Variants in KCNJ3 observed in about 807,000 individuals in gnomAD.
KCNJ3 encodes the protein G protein-activated inward rectifier potassium channel 1.
A neutral mutation model predicts 39.2 loss-of-function variants in KCNJ3; 4 were observed. The ratio of observed to expected loss-of-function variants is 0.10; its 90% confidence interval spans 0.05 to 0.23. The LOEUF is 0.23. KCNJ3 is among the 10% of genes least tolerant of loss of function. KCNJ3 has a pLI of 1.00. For synonymous variants in KCNJ3, 230 were observed against 237.4 expected, an observed-to-expected ratio of 0.97 and a Z score of 0.29; for missense variants, 276 against 634.9, an observed-to-expected ratio of 0.43 and a Z score of 6.08.
intron 2 of KCNJ3, among the ~76,000 whole-genome samples, chr2:154,847,559 T>C (rs886158323): frequency 1.3e-5 from 2 of 148,574 alleles, no homozygotes; most frequent in African/African-American, 2.4e-5. Flanking sequence ...TGGAAAAAAC[T>C]AACATGTTAT....
chr2:154,758,694 G>A (rs1444488673), intron 2 of KCNJ3, among the ~76,000 whole-genome samples: 2 of 152,116 alleles, frequency 1.3e-5, no homozygotes, highest in Non-Finnish European at 2.9e-5. Context: ...TCTAATACTG[G>A]CTGTCTCTGG....
At chr2:154,714,831 G>T (rs962722385) in intron 2 of KCNJ3, among the ~76,000 whole-genome samples, 1 of 152,132 alleles carries the variant, frequency 6.6e-6, no homozygotes, top group African/African-American at 2.4e-5. Context: ...CAAAATCCCT[G>T]CCTTGTATGG....
chr2:154,764,260 G>A (rs920560411), intron 2 of KCNJ3, among the ~76,000 whole-genome samples: 1 of 152,158 alleles, frequency 6.6e-6, no homozygotes, highest in East Asian at 1.9e-4. Context: ...TTTTTAGAAT[G>A]CCCTCCTCTC....
At chr2:154,734,446 A>G (rs1685490262) in intron 2 of KCNJ3, among the ~76,000 whole-genome samples, 1 of 152,196 alleles carries the variant, frequency 6.6e-6, no homozygotes, top group African/African-American at 2.4e-5. Flanking sequence ...CATCCTCTGC[A>G]AACAGTGAAT....
intron 2 of KCNJ3, among the ~76,000 whole-genome samples, chr2:154,735,164 G>T (rs557936801): frequency 5.9e-5 from 9 of 151,974 alleles, no homozygotes; most frequent in Non-Finnish European, 1.3e-4. Context: ...TCGGCTCACT[G>T]CAAGCTCCGC....
At chr2:154,700,407 A>G (rs936525916) in intron 1 of KCNJ3, among the ~76,000 whole-genome samples, 2 of 152,236 alleles carry the variant, frequency 1.3e-5, no homozygotes, top group East Asian at 3.9e-4. Flanking sequence ...TATGGGAAGG[A>G]AGGCTTAAAG....
chr2:154,749,654 G>A (rs558958773), intron 2 of KCNJ3, among the ~76,000 whole-genome samples: 1 of 152,194 alleles, frequency 6.6e-6, no homozygotes, highest in Admixed American at 6.6e-5. Flanking sequence ...CCTTGCCAAA[G>A]TAACATAAAT....
At chr2:154,796,739 A>T (rs1029084877) in intron 2 of KCNJ3, among the ~76,000 whole-genome samples, 1 of 152,194 alleles carries the variant, frequency 6.6e-6, no homozygotes, top group Non-Finnish European at 1.5e-5. Context: ...ATACTAGCTG[A>T]TTACCTTGTT....
chr2:154,702,956 A>C (rs1312091923), intron 1 of KCNJ3, among the ~76,000 whole-genome samples: 1 of 151,964 alleles, frequency 6.6e-6, no homozygotes, highest in Admixed American at 6.6e-5. Context: ...ATCCAATCGA[A>C]AGTTTTTATA....
rs1390360015 is a variant in KCNJ3, at chr2:154,857,926, A to G, written c.*2613A>G. ...AAAAAAAAAAAAAAAAAAAAAAAAA[A>G]AGAATAAAAACAGGGTAACATAATG... is the stretch of plus-strand genomic sequence containing the variant. On this transcript the variant is annotated 3_prime_UTR_variant, in exon 3 of 3. Coordinates refer to ENST00000295101, the MANE Select transcript of KCNJ3 (RefSeq NM_002239.4). The G allele has an allele frequency of 3.3e-5, 4 of 121,612 alleles. No individual in the cohort carries two copies. The highest frequency in any genetic ancestry group is 5.2e-5 in the Non-Finnish European group (3 of 57,950). The allele number at this position is 121,612 out of a possible 1,614,324, so 7.5% of individuals were successfully genotyped here. A position where few individuals can be genotyped will look rare whatever the true frequency, so the allele number is the denominator to read the frequency against.
chr2:154,786,608 A>G (rs1313471212), intron 2 of KCNJ3, among the ~76,000 whole-genome samples: 1 of 152,170 alleles, frequency 6.6e-6, no homozygotes, highest in East Asian at 1.9e-4. Context: ...AGATGCAGAT[A>G]TATACGTATA....
chr2:154,756,629 T>C, intron 2 of KCNJ3, among the ~76,000 whole-genome samples: 1 of 151,978 alleles, frequency 6.6e-6, no homozygotes. Context: ...TGTTTGGTTT[T>C]CTGGATAGCA....
chr2:154,843,557 A>G (rs959789384), intron 2 of KCNJ3, among the ~76,000 whole-genome samples: 25 of 152,132 alleles, frequency 1.6e-4, no homozygotes, highest in African/African-American at 5.6e-4. Context: ...CATTCTCCCC[A>G]TCACTTTCAG....
At position 154,799,970 on chromosome 2, in the gene KCNJ3, G is replaced by A. The variant is rs555900476; in HGVS notation, c.920-54757G>A. On this transcript the variant is annotated intron_variant, in intron 2 of 2. Transcript: ENST00000295101. ...GAACCGAGTGGGATCTAGCTGGAGAGTGGGTTGAAATTTCAAATAGGATGG... is the reference window on the plus strand; with the variant it reads ...GAACCGAGTGGGATCTAGCTGGAGAATGGGTTGAAATTTCAAATAGGATGG... Among the ~76,000 whole-genome samples, 8 of 152,284 alleles carry A rather than the reference G, an allele frequency of 5.3e-5. No homozygotes were observed. In the South Asian group the frequency reaches 1.7e-3, roughly 32 times the overall value.
chr2:154,814,628 A>G (rs1687053679), intron 2 of KCNJ3, among the ~76,000 whole-genome samples: 2 of 152,004 alleles, frequency 1.3e-5, no homozygotes, highest in African/African-American at 4.8e-5. Flanking sequence ...CAAGAGCAAG[A>G]CTCCGTCTCA....
intron 2 of KCNJ3, among the ~76,000 whole-genome samples, chr2:154,729,532 T>C (rs952378354): frequency 1.3e-5 from 2 of 152,178 alleles, no homozygotes; most frequent in Admixed American, 1.3e-4. Context: ...TCCTAGTTGA[T>C]TTAGGCCTTC....
intron 2 of KCNJ3, among the ~76,000 whole-genome samples, chr2:154,716,097 T>TATC (rs1685174694): frequency 6.6e-6 from 1 of 151,384 alleles, no homozygotes; most frequent in Non-Finnish European, 1.5e-5. Flanking sequence ...TTTCATTATT[T>TATC]ATTATTATTA....
chr2:154,742,947 T>C (rs1299297325), intron 2 of KCNJ3, among the ~76,000 whole-genome samples: 1 of 151,890 alleles, frequency 6.6e-6, no homozygotes, highest in Non-Finnish European at 1.5e-5. Context: ...CAATGGCCAA[T>C]CAATGTTGTA....
chr2:154,753,884 T>C (rs1035883490), intron 2 of KCNJ3, among the ~76,000 whole-genome samples: 14 of 152,222 alleles, frequency 9.2e-5, no homozygotes, highest in African/African-American at 3.4e-4. Context: ...AGAAAAGTTA[T>C]GTAATTAGCA....
Sources: gnomAD v4.1 joint callset for allele counts (sites outside exome capture counted in the v4.1 genomes callset) on GRCh38, gnomAD v4.1.1 for gene constraint, MANE v1.5 for transcripts, NCBI Gene and HGNC (gene_info 2026-07-23, HGNC 2026-07-21) for gene names.